AK8: variants seen among roughly 807,000 people sequenced by gnomAD.
AK8 encodes the protein ATP-AMP transphosphorylase 8.
AK8 carries 44 observed loss-of-function variants against 54.6 expected under a neutral mutation model. That is an observed-to-expected ratio of 0.81 (90% CI 0.63 to 1.04). The LOEUF is 1.04. Among genes scored for constraint, AK8 ranks in the 50% least tolerant of loss-of-function variants. The pLI is 0.00. For missense variants in AK8, 555 were observed against 613.6 expected (o/e 0.90, Z 1.01); for synonymous variants, 239 against 245.6 (o/e 0.97, Z 0.25).
Position 132,791,064 on chromosome 9 carries a change from C to T in AK8, c.1121+1570G>A, listed in dbSNP as rs960356502. Among the ~76,000 whole-genome samples the T allele has an allele frequency of 6.6e-6, 1 of 152,088 alleles. No homozygotes were observed. The highest frequency in any genetic ancestry group is 6.6e-5 in the Admixed American group (1 of 15,264). ...CAAACTGTAACGGATTGTATTAGTC[C>T]GTTTCACACTGCTATAAACAACTAC... On this transcript the variant is annotated intron_variant, in intron 11 of 12. Coordinates refer to ENST00000298545, the MANE Select transcript of AK8 (RefSeq NM_152572.3). This position sits in a 1 kb window ranked among gnomAD's most constrained non-coding sequence, Gnocchi z 4.0.
Position 132,874,661 on chromosome 9 carries a change from A to G in AK8, c.169+454T>C, listed in dbSNP as rs1017828177. Among the ~76,000 whole-genome samples the G allele has an allele frequency of 2.0e-5, 3 of 152,312 alleles. No homozygotes were observed. In the South Asian group the frequency reaches 6.2e-4, roughly 32 times the overall value. ...AAAGGTTTGGGGAGCTCGGAAACTC[A>G]TTAACAGGCTCCGATAATGAGACCG... On this transcript the variant is annotated intron_variant, in intron 2 of 12. Transcript: ENST00000298545.
chr9:132,805,768 C>T (rs1840693076), intron 10 of AK8, among the ~76,000 whole-genome samples: 1 of 152,098 alleles, frequency 6.6e-6, no homozygotes, highest in Admixed American at 6.5e-5. Flanking sequence ...TGCCACTCTG[C>T]TTGGCTATCT....
intron 11 of AK8, among the ~76,000 whole-genome samples, chr9:132,750,518 T>G (rs1003758051): frequency 1.3e-5 from 2 of 151,940 alleles, no homozygotes; most frequent in African/African-American, 4.8e-5. Context: ...TTCCAAGGAC[T>G]TCCCTGAATA....
intron 11 of AK8, among the ~76,000 whole-genome samples, chr9:132,763,625 T>C (rs1417792478): frequency 6.6e-6 from 1 of 152,224 alleles, no homozygotes; most frequent in East Asian, 1.9e-4. Flanking sequence ...TGCCAAGCTA[T>C]AATCAATCCA....
At chr9:132,825,721 G>T (rs1022951518) in intron 8 of AK8, among the ~76,000 whole-genome samples, 4 of 152,226 alleles carry the variant, frequency 2.6e-5, no homozygotes, top group Non-Finnish European at 5.9e-5. Context: ...AGGAGAAGGT[G>T]CTGGGAAAGT....
At chr9:132,838,920 C>A (rs1842428996) in intron 5 of AK8, among the ~76,000 whole-genome samples, 1 of 152,166 alleles carries the variant, frequency 6.6e-6, no homozygotes, top group South Asian at 2.1e-4. Flanking sequence ...TAAATGCTAG[C>A]TGAGCATTCT....
intron 5 of AK8, among the ~76,000 whole-genome samples, chr9:132,853,832 A>C (rs926316733): frequency 6.7e-6 from 1 of 148,364 alleles, no homozygotes; most frequent in African/African-American, 2.4e-5. Context: ...TAGCTTTGGC[A>C]AGCGCATATA....
intron 5 of AK8, among the ~76,000 whole-genome samples, chr9:132,848,115 CAAAAAA>C (rs796764891): frequency 3.4e-3 from 178 of 52,536 alleles, no homozygotes; most frequent in African/African-American, 0.012. Context: ...CACCCTGTTT[CAAAAAA>C]AAAAAAAAAA....
At chr9:132,856,657 GA>G (rs1233503638) in intron 4 of AK8, among the ~76,000 whole-genome samples, 3 of 152,170 alleles carry the variant, frequency 2.0e-5, no homozygotes, top group African/African-American at 4.8e-5. Context: ...CCCAGCTAGT[GA>G]AAGTCAGGCC....
rs1417001416 is a variant in AK8, at chr9:132,792,797, G to C, written c.980-22C>G. 1.9e-6 allele frequency: 3 copies of C among 1,550,362 alleles called. No homozygotes were observed. In the Admixed American group the frequency reaches 5.8e-5, roughly 30 times the overall value. ...GGAACTGCAGAGAAGGGGGGCAAGT[G>C]AGTACCCTGCTGGCCGGCAGCCCAT... is the stretch of plus-strand genomic sequence containing the variant. On this transcript the variant is annotated intron_variant, in intron 10 of 12. Transcript: ENST00000298545.
intron 8 of AK8, among the ~76,000 whole-genome samples, chr9:132,824,782 C>A: frequency 6.6e-6 from 1 of 152,216 alleles, no homozygotes; most frequent in East Asian, 1.9e-4. Flanking sequence ...ACAGTCCCCT[C>A]TTTTTAGAAG....
intron 5 of AK8, among the ~76,000 whole-genome samples, chr9:132,833,818 G>A (rs529303984): frequency 6.6e-6 from 1 of 152,270 alleles, no homozygotes; most frequent in Non-Finnish European, 1.5e-5. Flanking sequence ...GGCTTTGTGC[G>A]AACACTGGCC....
intron 5 of AK8, among the ~76,000 whole-genome samples, chr9:132,843,079 G>C (rs569142390): frequency 9.8e-5 from 15 of 152,338 alleles, no homozygotes; most frequent in African/African-American, 3.4e-4. Context: ...ATGGACACAA[G>C]GGGGTGGGAA....
chr9:132,730,908 C>T (rs540445278), intron 11 of AK8, among the ~76,000 whole-genome samples: 10 of 152,298 alleles, frequency 6.6e-5, no homozygotes, highest in African/African-American at 1.9e-4. Context: ...GGGCTGCCCC[C>T]GATCCTGCAT....
At chr9:132,771,511 A>T (rs559529012) in intron 11 of AK8, among the ~76,000 whole-genome samples, 1 of 152,356 alleles carries the variant, frequency 6.6e-6, no homozygotes, top group Admixed American at 6.5e-5. Context: ...AAGGCCATTA[A>T]GGGGTCCTTC....
At chr9:132,807,408 G>A (rs1160349452) in intron 10 of AK8, among the ~76,000 whole-genome samples, 2 of 152,326 alleles carry the variant, frequency 1.3e-5, no homozygotes, top group East Asian at 3.9e-4. Context: ...AGGCTGAGAT[G>A]AGCATCTCAT....
Position 132,770,525 on chromosome 9 carries a change from G to A in AK8, c.1121+22109C>T, listed in dbSNP as rs1288329065. Among the ~76,000 whole-genome samples the A allele has an allele frequency of 6.6e-6, 1 of 152,202 alleles. No homozygotes were observed. The highest frequency in any genetic ancestry group is 6.5e-5 in the Admixed American group (1 of 15,288). ...GAGCGCGGGGGATGCCCCTCGCCCT[G>A]CACGCGCGCCCTGCCCCTGGCTGTA... On this transcript the variant is annotated intron_variant, in intron 11 of 12. Transcript: ENST00000298545. This position sits in a 1 kb window ranked among gnomAD's most constrained non-coding sequence, Gnocchi z 4.3.
intron 5 of AK8, among the ~76,000 whole-genome samples, chr9:132,838,769 T>C (rs1438805298): frequency 6.6e-6 from 1 of 152,168 alleles, no homozygotes; most frequent in Non-Finnish European, 1.5e-5. Flanking sequence ...CCCTCTGTTC[T>C]GAGCCACCTA....
At chr9:132,820,891 A>C (rs144726137) in intron 9 of AK8, among the ~76,000 whole-genome samples, 16 of 152,332 alleles carry the variant, frequency 1.1e-4, no homozygotes, top group South Asian at 2.1e-4. Flanking sequence ...TACCTGCCTT[A>C]GGTCTCTTAA....
Sources: gnomAD v4.1 joint callset for allele counts (sites outside exome capture counted in the v4.1 genomes callset) on GRCh38, gnomAD v4.1.1 for gene constraint, Gnocchi (gnomAD v3.1) non-coding constraint, MANE v1.5 for transcripts, NCBI Gene and HGNC (gene_info 2026-07-23, HGNC 2026-07-21) for gene names.